The following KNL1 variants were observed in gnomAD, a reference collection of about 807,000 sequenced individuals.
KNL1 encodes outer kinetochore KNL1 complex subunit KNL1.
A neutral mutation model predicts 201.3 loss-of-function variants in KNL1; 66 were observed. The ratio of observed to expected loss-of-function variants is 0.33; its 90% CI spans 0.27 to 0.40. The LOEUF (loss-of-function observed/expected upper bound fraction) is 0.40, where lower values mean the gene tolerates loss of function less well. Ranked by LOEUF, KNL1 falls within the 10% of genes least tolerant of loss-of-function variation. The pLI is 1.00. For synonymous variants in KNL1, 895 were observed against 899.2 expected, an observed-to-expected ratio of 1.00 and a Z score of 0.08; for missense variants, 2,815 against 2,690.5, an observed-to-expected ratio of 1.05 and a Z score of -1.02.
At chr15:40,633,056 T>G (rs1320479015) in intron 13 of KNL1, among the ~76,000 whole-genome samples, 1 of 152,098 alleles carries the variant, frequency 6.6e-6, no homozygotes, top group African/African-American at 2.4e-5. Context: ...AGGCCAGGCA[T>G]CGTGGCTCAC....
At chr15:40,603,040 T>G in intron 2 of KNL1, 74 bp downstream of exon 2, 2 of 933,020 alleles carry the variant, frequency 2.1e-6, no homozygotes, top group Non-Finnish European at 3.3e-6. Flanking sequence ...GTAAGACCTA[T>G]CCATAACTTC....
At chr15:40,608,545 A>T (rs1213059541) in intron 4 of KNL1, among the ~76,000 whole-genome samples, 1 of 151,862 alleles carries the variant, frequency 6.6e-6, no homozygotes, top group Non-Finnish European at 1.5e-5. Context: ...CGGGAGTTCG[A>T]GACCAGCCTG....
At chr15:40,627,402 T>C (rs1228563288) in intron 10 of KNL1, among the ~76,000 whole-genome samples, 1 of 151,452 alleles carries the variant, frequency 6.6e-6, no homozygotes, top group African/African-American at 2.4e-5. Context: ...TAGTTCCAGC[T>C]ACTCAGGAGA....
chr15:40,624,583 T>C lies in KNL1; in HGVS notation c.4319T>C (p.Ile1440Thr), dbSNP rs764007165. The change falls in exon 10 of 26, where the codon ATT (isoleucine) becomes ACT (threonine). Residue 1440 changes from isoleucine (I) to threonine (T), a missense_variant. Ile to Thr is a moderately conservative substitution (Grantham distance 89). Around this residue, in one of 3 missense-constraint regions of KNL1, gnomAD observed 2,464 missense variants for 2,291.7 expected, o/e 1.08. Coordinates refer to ENST00000399668, the MANE Select transcript of KNL1 (RefSeq NM_144508.5). ...MKVYVDDIYV[I>T]PQPHFSTDQP... The stretch of plus-strand genomic sequence containing the variant: ...GTCTATGTTGATGACATTTATGTTA[T>C]TCCTCAGCCTCATTTCTCAACCGAC... 8 of 1,613,952 alleles carry C rather than the reference T, an allele frequency of 5.0e-6. No homozygotes were observed. Among genetic ancestry groups the C allele is most frequent in the Non-Finnish European group, 5.1e-6 (6 of 1,179,846 alleles).
chr15:40,635,459 A>G (rs1219588980), intron 13 of KNL1, among the ~76,000 whole-genome samples: 2 of 151,930 alleles, frequency 1.3e-5, no homozygotes, highest in African/African-American at 4.8e-5. Context: ...GGTTCAAGCG[A>G]TTCTCCTGCC....
intron 8 of KNL1, among the ~76,000 whole-genome samples, chr15:40,618,262 A>G (rs141455202): frequency 2.5e-4 from 38 of 152,026 alleles, no homozygotes; most frequent in African/African-American, 8.2e-4. Context: ...AATCTGAACT[A>G]TTGTAGTAAC....
At chr15:40,630,812 T>C (rs901482851) in intron 13 of KNL1, among the ~76,000 whole-genome samples, 3 of 152,296 alleles carry the variant, frequency 2.0e-5, no homozygotes, top group Non-Finnish European at 4.4e-5. Flanking sequence ...TATATTACAA[T>C]GTAGTAATAA....
intron 7 of KNL1, among the ~76,000 whole-genome samples, chr15:40,612,332 C>A (rs74793272): frequency 0.086 from 12,715 of 147,660 alleles, 546 homozygotes; most frequent in East Asian, 0.12. Context: ...ACAAAAAAAA[C>A]CCCAAAAAAT....
chr15:40,618,996 G>C lies in KNL1; in HGVS notation c.360G>C (p.Gln120His). 2 of 1,605,430 alleles carry C rather than the reference G, an allele frequency of 1.2e-6. No homozygotes were observed. The highest frequency in any genetic ancestry group is 1.7e-6 in the Non-Finnish European group (2 of 1,173,068). ...NTLLSAPIHT[Q>H]MQQKEFSIIE... Reference sequence around the variant, plus strand: ...TGCTTTCTGCTCCCATTCATACCCAGATGCAACAGAAGGAGGTATGAGTTC... The same window carrying C: ...TGCTTTCTGCTCCCATTCATACCCACATGCAACAGAAGGAGGTATGAGTTC... The change falls in exon 9 of 26, where the codon CAG (glutamine) becomes CAC (histidine). Residue 120 changes from glutamine (Q) to histidine (H), a missense_variant. By Grantham distance (24) the Gln-to-His change is conservative. Transcript: ENST00000399668.
At chr15:40,605,085 A>T in intron 2 of KNL1, 25 bp from the exon 3 acceptor site, 1 of 1,231,506 alleles carries the variant, frequency 8.1e-7, no homozygotes, top group Non-Finnish European at 1.2e-6. Flanking sequence ...ATCACTGTGT[A>T]TATAATTTTG....
At chr15:40,639,132 T>G (rs1422003106) in intron 13 of KNL1, among the ~76,000 whole-genome samples, 4 of 151,586 alleles carry the variant, frequency 2.6e-5, no homozygotes, top group Non-Finnish European at 5.9e-5. Context: ...GTTTTGATTT[T>G]TATGTATAAT....
intron 9 of KNL1, among the ~76,000 whole-genome samples, chr15:40,619,378 T>TA: frequency 7.4e-6 from 1 of 134,432 alleles, no homozygotes; most frequent in Non-Finnish European, 1.6e-5. Context: ...ATATATATAT[T>TA]TTAGGCTATC....
chr15:40,640,873 C>A, intron 13 of KNL1, 39 bp from the exon 14 acceptor site: 2 of 1,182,930 alleles, frequency 1.7e-6, no homozygotes, highest in Non-Finnish European at 2.5e-6. Flanking sequence ...GTTTTGTCTG[C>A]AAGATACCAG....
Position 40,624,418 on chromosome 15 carries a change from T to A in KNL1, c.4154T>A (p.Leu1385Gln). The change falls in exon 10 of 26, where the codon CTG becomes CAG. Residue 1385 changes from leucine (L) to glutamine (Q), a missense_variant. Around this residue, in one of 3 missense-constraint regions of KNL1, gnomAD observed 2,464 missense variants for 2,291.7 expected, o/e 1.08. Transcript: ENST00000399668. Reference sequence around the variant, plus strand: ...GGACAGTTAGACTGTGTTATAACACTGCACAAAGATCAAGATCTGATTAAG... The same window carrying A: ...GGACAGTTAGACTGTGTTATAACACAGCACAAAGATCAAGATCTGATTAAG... Reference protein sequence around the residue: ...TKGQLDCVITLHKDQDLIKDP... With the variant: ...TKGQLDCVITQHKDQDLIKDP... 6.2e-7 allele frequency: 1 copy of A among 1,614,020 alleles called. No homozygotes were observed. The highest frequency in any genetic ancestry group is 8.5e-7 in the Non-Finnish European group (1 of 1,179,946).
chr15:40,632,032 T>C (rs1370677867), intron 13 of KNL1, among the ~76,000 whole-genome samples: 1 of 145,596 alleles, frequency 6.9e-6, no homozygotes, highest in African/African-American at 2.5e-5. Flanking sequence ...AAAGAATAAA[T>C]CCAAAAGCTA....
intron 10 of KNL1, chr15:40,626,020 G>T (rs2141728226): frequency 6.2e-6 from 1 of 161,068 alleles, no homozygotes; most frequent in Non-Finnish European, 1.4e-5. Context: ...GTCATCTTCA[G>T]TGTTGTTATA....
chr15:40,656,424 C>T (rs755624467), intron 22 of KNL1, among the ~76,000 whole-genome samples: 97 of 151,994 alleles, frequency 6.4e-4, no homozygotes, highest in Non-Finnish European at 1.1e-3. Flanking sequence ...TAGAGTGACA[C>T]TCCGTCTCAA....
chr15:40,613,407 G>A (rs1892237365), intron 7 of KNL1, among the ~76,000 whole-genome samples: 1 of 152,092 alleles, frequency 6.6e-6, no homozygotes, highest in Non-Finnish European at 1.5e-5. Context: ...TGGCTTTGTG[G>A]TTTATTAATT....
In KNL1 at chr15:40,603,052, G is replaced by A. The variant is rs150674071; in HGVS notation, c.35+86G>A. ...TTAGTAAGACCTATCCATAACTTCT[G>A]AGATCTTTTTCCATTGTGTTCCAAG... On this transcript the variant is annotated intron_variant, in intron 2 of 25. Coordinates refer to ENST00000399668, the MANE Select transcript of KNL1 (RefSeq NM_144508.5). 2.5e-4 allele frequency: 211 copies of A among 847,638 alleles called. No homozygotes were observed. In the African/African-American group the frequency reaches 3.4e-3, roughly 14 times the overall value. 52.5% of individuals were successfully genotyped at this position (847,638 alleles called of 1,614,324 possible).
Sources: gnomAD v4.1 joint callset for allele counts (sites outside exome capture counted in the v4.1 genomes callset) on GRCh38, gnomAD v4.1.1 for gene constraint, gnomAD v4.1.1 regional missense constraint, MANE v1.5 for transcripts, NCBI Gene and HGNC (gene_info 2026-07-23, HGNC 2026-07-21) for gene names.